APP: variants seen among roughly 807,000 people sequenced by gnomAD.
APP encodes the protein amyloid-beta precursor protein.
Under a neutral mutation model 101.4 loss-of-function variants are expected in APP, and 31 were observed. The ratio of observed to expected loss-of-function variants is 0.31; its 90% CI spans 0.23 to 0.41. The LOEUF is 0.41. APP is among the 10% of genes least tolerant of loss of function. The pLI is 1.00. For missense variants in APP, 839 were observed against 1,003.7 expected, an observed-to-expected ratio of 0.84 and a Z score of 2.22; for synonymous variants, 366 against 364.4, an observed-to-expected ratio of 1.00 and a Z score of -0.05.
intron 3 of APP, 97 bp downstream of exon 3, chr21:26,089,846 A>G (rs955397919): frequency 5.4e-5 from 85 of 1,570,250 alleles, no homozygotes; most frequent in Non-Finnish European, 7.3e-5. Flanking sequence ...TGTGCTGAAG[A>G]ACAAGTCTGT....
At chr21:26,118,018 T>G (rs183601788) in intron 1 of APP, among the ~76,000 whole-genome samples, 30 of 152,338 alleles carry the variant, frequency 2.0e-4, no homozygotes, top group Middle Eastern at 3.4e-3. Flanking sequence ...CTGTTGATAT[T>G]AGATTGGTGC....
intron 5 of APP, among the ~76,000 whole-genome samples, chr21:26,038,743 G>C (rs566652862): frequency 6.6e-6 from 1 of 152,092 alleles, no homozygotes; most frequent in African/African-American, 2.4e-5. Flanking sequence ...CAGTCTGGGC[G>C]ACAGAGTCTT....
intron 6 of APP, 56 bp from the exon 7 acceptor site, chr21:26,000,238 G>C: frequency 1.9e-6 from 3 of 1,599,080 alleles, no homozygotes; most frequent in Non-Finnish European, 2.6e-6. Context: ...CTGTCTCTCT[G>C]TTCATGTATA....
chr21:25,901,175 G>A (rs1194764862), intron 15 of APP, among the ~76,000 whole-genome samples: 1 of 151,678 alleles, frequency 6.6e-6, no homozygotes, highest in East Asian at 1.9e-4. Flanking sequence ...GCACATCCCT[G>A]TAATCCCAGC....
At chr21:26,014,611 G>A (rs976717595) in intron 6 of APP, among the ~76,000 whole-genome samples, 2 of 152,166 alleles carry the variant, frequency 1.3e-5, no homozygotes, top group East Asian at 3.8e-4. Context: ...CAAGGACAAT[G>A]CAGATATGGC....
At chr21:26,021,538 C>T (rs2044338129) in intron 6 of APP, among the ~76,000 whole-genome samples, 1 of 152,100 alleles carries the variant, frequency 6.6e-6, no homozygotes, top group South Asian at 2.1e-4. Context: ...CAAGGAGTCA[C>T]CTAACTCAGT....
chr21:25,894,914 CATT>C (rs2037933076), intron 16 of APP, among the ~76,000 whole-genome samples: 1 of 152,164 alleles, frequency 6.6e-6, no homozygotes, highest in Non-Finnish European at 1.5e-5. Context: ...CAGCAAACTT[CATT>C]ATTGTCTTAT....
At chr21:25,978,896 G>C (rs560734472) in intron 9 of APP, among the ~76,000 whole-genome samples, 1 of 152,332 alleles carries the variant, frequency 6.6e-6, no homozygotes, top group African/African-American at 2.4e-5. Flanking sequence ...AGGTTGCAGT[G>C]AGTCTAGATT....
chr21:26,112,284 C>A (rs887760484), intron 1 of APP, 138 bp from the exon 2 acceptor site: 2 of 855,952 alleles, frequency 2.3e-6, no homozygotes, highest in East Asian at 5.2e-5. Flanking sequence ...TTCAACACTC[C>A]TTTAGATTAA....
intron 1 of APP, among the ~76,000 whole-genome samples, chr21:26,137,199 G>T (rs1000767559): frequency 2.6e-5 from 4 of 152,110 alleles, no homozygotes; most frequent in Non-Finnish European, 4.4e-5. Context: ...AAGTGCTGGG[G>T]TTACAGGCAT....
intron 1 of APP, among the ~76,000 whole-genome samples, chr21:26,141,072 G>C (rs1194273416): frequency 1.3e-5 from 2 of 152,176 alleles, no homozygotes; most frequent in Non-Finnish European, 2.9e-5. Context: ...GAGTCAGTGT[G>C]AGAATTAAAT....
chr21:25,929,374 TAATC>T (rs1292857118), intron 13 of APP, among the ~76,000 whole-genome samples: 1 of 152,086 alleles, frequency 6.6e-6, no homozygotes, highest in East Asian at 1.9e-4. Context: ...ACAGCAGAAA[TAATC>T]AAGAGTAGTG....
At chr21:25,958,157 C>T (rs1188598261) in intron 11 of APP, among the ~76,000 whole-genome samples, 1 of 152,104 alleles carries the variant, frequency 6.6e-6, no homozygotes, top group Non-Finnish European at 1.5e-5. Context: ...CTGGCCTTGG[C>T]ATTACTACTT....
At chr21:26,168,760 G>A (rs778508026) in intron 1 of APP, among the ~76,000 whole-genome samples, 5 of 152,154 alleles carry the variant, frequency 3.3e-5, no homozygotes, top group Non-Finnish European at 4.4e-5. Context: ...TTAGTTAAGT[G>A]CATTTTTTTA....
At chr21:26,025,266 G>A (rs900233824) in intron 5 of APP, among the ~76,000 whole-genome samples, 3 of 152,228 alleles carry the variant, frequency 2.0e-5, no homozygotes, top group Non-Finnish European at 4.4e-5. Flanking sequence ...ATCAAAGAAA[G>A]ATGACCTGAT....
At chr21:26,108,149 C>T (rs556292268) in intron 2 of APP, among the ~76,000 whole-genome samples, 13 of 152,216 alleles carry the variant, frequency 8.5e-5, no homozygotes, top group African/African-American at 2.4e-4. Context: ...CACTGTTCCA[C>T]GGAAACAGAA....
At chr21:26,108,486 G>C (rs766503286) in intron 2 of APP, among the ~76,000 whole-genome samples, 3 of 152,224 alleles carry the variant, frequency 2.0e-5, no homozygotes, top group Non-Finnish European at 2.9e-5. Flanking sequence ...AGAGGCTGCA[G>C]CATGGCAGTC....
intron 2 of APP, among the ~76,000 whole-genome samples, chr21:26,102,335 C>T (rs1352970002): frequency 5.3e-5 from 8 of 151,942 alleles, no homozygotes; most frequent in East Asian, 1.9e-4. Context: ...GTGATCTGCC[C>T]GCCTCGGCCT....
chr21:26,061,712 C>G (rs757419937), intron 3 of APP, among the ~76,000 whole-genome samples: 23 of 152,120 alleles, frequency 1.5e-4, no homozygotes, highest in Non-Finnish European at 2.8e-4. Context: ...GTAACTATTA[C>G]CGGATAATAG....
Sources: gnomAD v4.1 joint callset for allele counts (sites outside exome capture counted in the v4.1 genomes callset) on GRCh38, gnomAD v4.1.1 for gene constraint, MANE v1.5 for transcripts, NCBI Gene and HGNC (gene_info 2026-07-23, HGNC 2026-07-21) for gene names.